The following PLEKHG4B variants were observed in gnomAD, a reference collection of about 807,000 sequenced individuals.
PLEKHG4B encodes pleckstrin homology domain-containing family G member 4B.
A neutral mutation model predicts 121.3 loss-of-function variants in PLEKHG4B; 111 were observed. The ratio of observed to expected loss-of-function variants is 0.92; its 90% confidence interval spans 0.78 to 1.07. The LOEUF is 1.07. PLEKHG4B is among the 50% of genes least tolerant of loss of function. PLEKHG4B has a pLI of 0.00. For missense variants in PLEKHG4B, 1,831 were observed against 1,757.8 expected (o/e 1.04, Z -0.74); for synonymous variants, 738 against 725.0 (o/e 1.02, Z -0.29).
chr5:140,430 C>T lies in PLEKHG4B; in HGVS notation c.1191C>T (p.Thr397=). The T allele has an allele frequency of 3.2e-6, 5 of 1,566,362 alleles. No individual in the cohort carries two copies. The highest frequency in any genetic ancestry group is 4.3e-6 in the Non-Finnish European group (5 of 1,156,438). The change falls in exon 3 of 20, where the codon ACC becomes ACT. Residue 397 remains threonine, a synonymous_variant. Coordinates refer to ENST00000637938, the MANE Select transcript of PLEKHG4B (RefSeq NM_052909.5). ...GGACTGGGGCAGTAGCCAGTGGGAC[C>T]CAGGAGGAAACCTCTGGCCCCCGGG... is the stretch of plus-strand genomic sequence containing the variant. The part of the protein sequence containing the change: ...DLGTGAVASG[T]QEETSGPRGD...
intron 2 of PLEKHG4B, among the ~76,000 whole-genome samples, chr5:129,182 C>A (rs1734706360): frequency 6.6e-6 from 1 of 152,172 alleles, no homozygotes; most frequent in Non-Finnish European, 1.5e-5. Context: ...CTTCTCCTGA[C>A]CCAGGAGAGG....
Position 164,436 on chromosome 5 carries a change from C to T in PLEKHG4B, c.3476+888C>T, listed in dbSNP as rs180776998. Among the ~76,000 whole-genome samples the T allele has an allele frequency of 2.4e-3, 361 of 151,414 alleles. 8 individuals are homozygous for T. The South Asian group carries it at 0.042, about 18-fold the overall frequency. On this transcript the variant is annotated intron_variant, in intron 13 of 19. Coordinates refer to ENST00000637938, the MANE Select transcript of PLEKHG4B (RefSeq NM_052909.5). ...TGGGGGCGGAGTTCACCCAGTAATG[C>T]TGTGACAGGGGGCGGGGCTCACAGT...
chr5:135,056 G>A (rs1000506637), intron 2 of PLEKHG4B, among the ~76,000 whole-genome samples: 7 of 151,568 alleles, frequency 4.6e-5, no homozygotes, highest in African/African-American at 1.7e-4. Context: ...GGGCATGGTG[G>A]CGGGCGCCTG....
rs758240288 is a variant in PLEKHG4B at position 163,486 on chromosome 5, G to A, written c.3414G>A (p.Arg1138=). The A allele has an allele frequency of 2.5e-6, 4 of 1,612,468 alleles. No homozygotes were observed. Among genetic ancestry groups the A allele is most frequent in the Non-Finnish European group, 3.4e-6 (4 of 1,179,930 alleles). ...HARSPPVTQS[R]SLSSPSGLHP... is the part of the protein sequence containing the mutation. ...GGAGCCCCCCGGTCACTCAGAGCCG[G>A]AGTCTGTCCTCCCCCTCGGGGCTCC... is the stretch of plus-strand genomic sequence containing the variant. Residue 1138 remains arginine, a synonymous_variant, in exon 13 of 20, where the codon CGG becomes CGA. Transcript: ENST00000637938.
intron 1 of PLEKHG4B, among the ~76,000 whole-genome samples, chr5:107,369 C>T (rs958477960): frequency 1.3e-5 from 2 of 152,226 alleles, no homozygotes; most frequent in African/African-American, 4.8e-5. Flanking sequence ...GCCCTGGCTC[C>T]ACCCTGTCCT....
chr5:165,752 ACGGGGCGGGGC>A (rs1736305167), intron 13 of PLEKHG4B, among the ~76,000 whole-genome samples: 1 of 26,210 alleles, frequency 3.8e-5, no homozygotes, highest in African/African-American at 1.5e-4. Context: ...TAATGCTCTG[ACGGGGCGGGGC>A]TCACAGTAAT....
At chr5:150,026 A>G (rs1335526529) in intron 6 of PLEKHG4B, among the ~76,000 whole-genome samples, 1 of 152,244 alleles carries the variant, frequency 6.6e-6, no homozygotes, top group African/African-American at 2.4e-5. Flanking sequence ...GTATATACCC[A>G]AGAAATTGAA....
At chr5:132,925 C>T (rs558459931) in intron 2 of PLEKHG4B, among the ~76,000 whole-genome samples, 1 of 151,982 alleles carries the variant, frequency 6.6e-6, no homozygotes, top group East Asian at 1.9e-4. Context: ...CTACTTCTGT[C>T]AGTAATGATG....
Position 163,345 on chromosome 5 carries a change from C to T in PLEKHG4B, c.3273C>T (p.Pro1091=), listed in dbSNP as rs530135061. ...KKTQSFEIPQ[P]DSGPRDSCQP... ...CGCAAAGTTTCGAGATACCTCAGCC[C>T]GACAGTGGCCCCAGGGACTCCTGCC... The change falls in exon 13 of 20, where the codon CCC becomes CCT. Residue 1091 remains proline (P), a synonymous_variant. Transcript: ENST00000637938. 117 of 1,613,338 alleles carry T rather than the reference C, an allele frequency of 7.3e-5. No homozygotes were observed. Among genetic ancestry groups the T allele is most frequent in the South Asian group, 3.6e-4 (33 of 91,082 alleles).
chr5:97,192 G>A (rs534539841), intron 1 of PLEKHG4B, among the ~76,000 whole-genome samples: 9 of 144,290 alleles, frequency 6.2e-5, no homozygotes, highest in Admixed American at 1.4e-4. Flanking sequence ...GCTCCAGATC[G>A]TTTTCCTCAT....
At position 173,125 on chromosome 5, in the gene PLEKHG4B, C is replaced by T. The variant is rs998740446; in HGVS notation, c.4221+58C>T. On this transcript the variant is annotated intron_variant, in intron 17 of 19. Coordinates refer to ENST00000637938, the MANE Select transcript of PLEKHG4B (RefSeq NM_052909.5). The stretch of plus-strand genomic sequence containing the variant: ...CGAGCCAGGCCCTCCAAGGGGGTCT[C>T]GGACCCTTGTCTCACCTAAGGCCAG... 4.5e-6 allele frequency: 7 copies of T among 1,555,568 alleles called. No individual in the cohort carries two copies. In the South Asian group the frequency reaches 4.5e-5, roughly 10 times the overall value.
intron 19 of PLEKHG4B, 61 bp from the exon 20 acceptor site, chr5:181,943 C>T (rs1386147908): frequency 1.3e-5 from 20 of 1,548,564 alleles, no homozygotes; most frequent in African/African-American, 6.8e-5. Flanking sequence ...ATCCCATTCC[C>T]GAACCTGGGC....
chr5:96,263 A>G (rs1232104475), intron 1 of PLEKHG4B, among the ~76,000 whole-genome samples: 1 of 152,244 alleles, frequency 6.6e-6, no homozygotes, highest in Admixed American at 6.5e-5. Flanking sequence ...CAGTGTGTGG[A>G]GCACAGGAAC....
At chr5:162,657 G>T (rs1016182864) in intron 12 of PLEKHG4B, 65 bp from the exon 13 acceptor site, 2 of 1,204,658 alleles carry the variant, frequency 1.7e-6, no homozygotes, top group Non-Finnish European at 2.2e-6. Context: ...GAACAGCAGG[G>T]CCTGAGCTGG....
At chr5:160,589 C>A (rs1008139440) in intron 11 of PLEKHG4B, among the ~76,000 whole-genome samples, 6 of 152,140 alleles carry the variant, frequency 3.9e-5, no homozygotes, top group African/African-American at 1.2e-4. Flanking sequence ...TAGGGTTGAT[C>A]ATCACTTCTG....
In PLEKHG4B at chr5:161,929, CG is replaced by C. The variant is rs1736019106; in HGVS notation, c.2635del (p.Glu879SerfsTer6). 6.2e-7 allele frequency: 1 copy of C among 1,611,504 alleles called. No homozygotes were observed. Among genetic ancestry groups the C allele is most frequent in the Non-Finnish European group, 8.5e-7 (1 of 1,179,418 alleles). On this transcript the variant is annotated frameshift_variant, in exon 12 of 20. Coordinates refer to ENST00000637938, the MANE Select transcript of PLEKHG4B (RefSeq NM_052909.5). LOFTEE classifies it high-confidence loss of function. ...GELARWTRSS[E>X]LCETVSSWMG... ...AGCTGGCCAGGTGGACCCGCTCGTC[CG>C]AGTTGTGCGAGACGGTAAGAGACCC...
At position 162,029 on chromosome 5, in the gene PLEKHG4B, G is replaced by C. The variant is rs1275335497; in HGVS notation, c.2649+85G>C. The stretch of plus-strand genomic sequence containing the variant: ...AGCAAGTGCCTCCCCTCACAAGCTG[G>C]AGTGGGCCAGGCTGTGGGACAGAGG... On this transcript the variant is annotated intron_variant, in intron 12 of 19. Coordinates refer to ENST00000637938, the MANE Select transcript of PLEKHG4B (RefSeq NM_052909.5). The C allele has an allele frequency of 1.1e-5, 16 of 1,469,252 alleles. 1 individual carries two copies. The highest frequency in any genetic ancestry group is 1.4e-5 in the Non-Finnish European group (16 of 1,107,394). 91.0% of individuals were successfully genotyped at this position (1,469,252 alleles called of 1,614,324 possible).
At position 155,411 on chromosome 5, in the gene PLEKHG4B, C is replaced by G; in HGVS notation, c.2176C>G (p.Leu726Val). Residue 726 changes from leucine to valine, a missense_variant, in exon 9 of 20, where the codon CTG becomes GTG. Coordinates refer to ENST00000637938, the MANE Select transcript of PLEKHG4B (RefSeq NM_052909.5). ...IIFLQNSFCS[L>V]NTHRTPRTAQ... is the part of the protein sequence containing the mutation. ...TTTCCTACAGAATTCATTCTGCTCC[C>G]TGAACACCCACAGAACCCCAAGAAC... 8.1e-6 allele frequency: 13 copies of G among 1,614,214 alleles called. No individual in the cohort carries two copies. The highest frequency in any genetic ancestry group is 1.1e-5 in the Non-Finnish European group (13 of 1,180,026).
chr5:132,400 G>C (rs577235017), intron 2 of PLEKHG4B, among the ~76,000 whole-genome samples: 1 of 152,252 alleles, frequency 6.6e-6, no homozygotes, highest in Non-Finnish European at 1.5e-5. Context: ...CTTTAATAAA[G>C]TCCCATCTAT....
Sources: allele counts gnomAD v4.1 joint callset (sites outside exome capture counted in the v4.1 genomes callset), GRCh38; gene constraint gnomAD v4.1.1; transcripts MANE v1.5; gene names NCBI Gene and HGNC (gene_info 2026-07-23, HGNC 2026-07-21).